The following BMP7 variants were observed in gnomAD, a reference collection of about 807,000 sequenced individuals.
BMP7 encodes the protein osteogenic protein 1.
Under a neutral mutation model 41.2 loss-of-function variants are expected in BMP7, and 12 were observed. The observed-to-expected ratio is 0.29, with a 90% CI of 0.19 to 0.47. The LOEUF is 0.47. Ranked by LOEUF, BMP7 falls within the 20% of genes least tolerant of loss-of-function variation. BMP7 has a pLI of 0.99. For synonymous variants in BMP7, 248 were observed against 250.0 expected (o/e 0.99, Z 0.07); for missense variants, 467 against 606.0 (o/e 0.77, Z 2.41).
At chr20:57,205,403 G>T (rs942852260) in intron 2 of BMP7, among the ~76,000 whole-genome samples, 1 of 152,200 alleles carries the variant, frequency 6.6e-6, no homozygotes, top group African/African-American at 2.4e-5. Flanking sequence ...TTATAAACAA[G>T]AATTTCCTGC....
intron 3 of BMP7, among the ~76,000 whole-genome samples, chr20:57,186,355 C>T (rs1014959116): frequency 2.0e-5 from 3 of 152,304 alleles, no homozygotes; most frequent in South Asian, 2.1e-4. Context: ...GAGCAAACTC[C>T]GTGTCCGTTG....
chr20:57,265,911 T>TGCGGGC lies in BMP7; in HGVS notation c.206_211dup (p.Arg69_Pro70dup), dbSNP rs1357703986. On this transcript the variant is annotated inframe_insertion, in exon 1 of 7. Transcript: ENST00000395863. Reference sequence around the variant, plus strand: ...TGCCGAGTTGTGCTTGCCCTGGAGGTGCGGGCGCGGGCGGTGGGGCAAGCC... The same window carrying TGCGGGC: ...TGCCGAGTTGTGCTTGCCCTGGAGGTGCGGGCGCGGGCGCGGGCGGTGGGGCAAGCC... 6.3e-7 allele frequency: 1 copy of TGCGGGC among 1,579,544 alleles called. No individual in the cohort carries two copies. Among genetic ancestry groups the TGCGGGC allele is most frequent in the Non-Finnish European group, 8.6e-7 (1 of 1,162,510 alleles).
chr20:57,255,996 C>T (rs763444325), intron 1 of BMP7, among the ~76,000 whole-genome samples: 27 of 152,094 alleles, frequency 1.8e-4, no homozygotes, highest in South Asian at 1.5e-3. Context: ...GATAGTGAAC[C>T]GGACAAAAGC....
At chr20:57,186,183 C>A (rs1295700391) in intron 3 of BMP7, among the ~76,000 whole-genome samples, 1 of 152,156 alleles carries the variant, frequency 6.6e-6, no homozygotes, top group African/African-American at 2.4e-5. Context: ...GCCTGACAAG[C>A]AATGTGAAGG....
At chr20:57,211,197 G>A (rs1600625368) in intron 2 of BMP7, among the ~76,000 whole-genome samples, 1 of 152,350 alleles carries the variant, frequency 6.6e-6, no homozygotes, top group African/African-American at 2.4e-5. Flanking sequence ...CTCCAATGAG[G>A]TCAGTACAAT....
chr20:57,217,914 T>C (rs1010523298), intron 2 of BMP7, among the ~76,000 whole-genome samples: 1 of 152,240 alleles, frequency 6.6e-6, no homozygotes, highest in East Asian at 1.9e-4. Flanking sequence ...TGTGTCTGTG[T>C]TTCTGTGGAT....
chr20:57,170,725 C>T lies in BMP7; in HGVS notation c.*234G>A. ...TTTTCTTTATGCGTTGTTTTTTTTT[C>T]CTGCTAGGTTTTGCCTGCACAGCTT... On this transcript the variant is annotated 3_prime_UTR_variant, in exon 7 of 7. Transcript: ENST00000395863. 2 of 520,798 alleles carry T rather than the reference C, an allele frequency of 3.8e-6. No individual in the cohort carries two copies. The highest frequency in any genetic ancestry group is 3.4e-6 in the Non-Finnish European group (1 of 295,194). 32.3% of individuals were successfully genotyped at this position (520,798 alleles called of 1,614,324 possible).
Position 57,216,579 on chromosome 20 carries a change from G to A in BMP7, c.611+11650C>T, listed in dbSNP as rs147565907. Reference sequence around the variant, plus strand: ...GGCTGTCTCCTGAGGGTGAGGGGCTGTCTCTTGAGGGCGAGGGGCTGTCTC... The same window carrying A: ...GGCTGTCTCCTGAGGGTGAGGGGCTATCTCTTGAGGGCGAGGGGCTGTCTC... On this transcript the variant is annotated intron_variant, in intron 2 of 6. Transcript: ENST00000395863. Among the ~76,000 whole-genome samples, 279 of 150,722 alleles carry A rather than the reference G, an allele frequency of 1.9e-3. 2 individuals are homozygous for A. In the East Asian group the frequency reaches 0.033, roughly 18 times the overall value.
At chr20:57,251,597 G>C (rs1465901610) in intron 1 of BMP7, among the ~76,000 whole-genome samples, 2 of 152,156 alleles carry the variant, frequency 1.3e-5, no homozygotes, top group Non-Finnish European at 2.9e-5. Flanking sequence ...AGGAAGTGTG[G>C]CTGAGTCACT....
intron 4 of BMP7, among the ~76,000 whole-genome samples, chr20:57,175,396 G>C (rs1250489135): frequency 1.3e-5 from 2 of 152,196 alleles, no homozygotes; most frequent in Non-Finnish European, 2.9e-5. Flanking sequence ...TGCTCAAAGA[G>C]ATCTGCTTAT....
chr20:57,221,284 A>G (rs1296362107), intron 2 of BMP7, among the ~76,000 whole-genome samples: 1 of 152,174 alleles, frequency 6.6e-6, no homozygotes, highest in Non-Finnish European at 1.5e-5. Context: ...GCAAAGCCTC[A>G]CTACACACTA....
In BMP7 at chr20:57,169,355, CT is replaced by C. The variant is rs1232968661; in HGVS notation, c.*1603del. The C allele has an allele frequency of 6.6e-6, 1 of 152,212 alleles. No homozygotes were observed. Among genetic ancestry groups the C allele is most frequent in the African/African-American group, 2.4e-5 (1 of 41,454 alleles). 9.4% of individuals were successfully genotyped at this position (152,212 alleles called of 1,614,324 possible). Reference sequence around the variant, plus strand: ...CGTTTGCAGACAGTCTAGCCCTCCCCTAGGCCTTGTGTTTGTGGCCGGAGGC... The same window carrying C: ...CGTTTGCAGACAGTCTAGCCCTCCCCAGGCCTTGTGTTTGTGGCCGGAGGC... On this transcript the variant is annotated 3_prime_UTR_variant, in exon 7 of 7. Transcript: ENST00000395863.
At chr20:57,200,939 C>T (rs894842406) in intron 3 of BMP7, among the ~76,000 whole-genome samples, 1 of 152,248 alleles carries the variant, frequency 6.6e-6, no homozygotes, top group Non-Finnish European at 1.5e-5. Flanking sequence ...GGCATCCATC[C>T]CAGGAGAGCT....
intron 6 of BMP7, among the ~76,000 whole-genome samples, chr20:57,172,781 C>A (rs1476138168): frequency 1.3e-5 from 2 of 152,138 alleles, no homozygotes; most frequent in Non-Finnish European, 2.9e-5. Context: ...CCCCACTCAT[C>A]TCTCCATCCC....
chr20:57,173,333 G>A lies in BMP7; in HGVS notation c.1036-23C>T, dbSNP rs762310439. On this transcript the variant is annotated intron_variant, in intron 5 of 6. Transcript: ENST00000395863. ...GTCCTGAGGAGGAGAAGAGAGTGTG[G>A]GAAACCATGCAGAAGGCCTGAGCCA... 3.1e-6 allele frequency: 5 copies of A among 1,608,490 alleles called. No homozygotes were observed. The African/African-American group carries it at 4.0e-5, about 13-fold the overall frequency.
intron 1 of BMP7, among the ~76,000 whole-genome samples, chr20:57,257,999 G>A (rs2066140472): frequency 6.6e-6 from 1 of 152,156 alleles, no homozygotes; most frequent in South Asian, 2.1e-4. Context: ...AGACAGGGCA[G>A]GCCTAAACCC....
chr20:57,236,231 G>A (rs1271272008), intron 1 of BMP7, among the ~76,000 whole-genome samples: 1 of 152,238 alleles, frequency 6.6e-6, no homozygotes, highest in Non-Finnish European at 1.5e-5. Flanking sequence ...TTAAAAGCAA[G>A]CATATGAAGA....
chr20:57,223,817 C>T (rs748342789), intron 2 of BMP7, among the ~76,000 whole-genome samples: 2 of 152,174 alleles, frequency 1.3e-5, no homozygotes, highest in Non-Finnish European at 2.9e-5. Context: ...TGGGGGCTAA[C>T]GGCAGGGCAA....
rs1411833009 is a variant in BMP7 at position 57,202,523 on chromosome 20, T to G, written c.712A>C (p.Asn238His). Residue 238 changes from asparagine to histidine, a missense_variant, in exon 3 of 7, where the codon AAT (asparagine) becomes CAT (histidine). Physicochemically the swap from Asn to His is moderately conservative, Grantham distance 68 (BLOSUM62 1). Transcript: ENST00000395863. Reference protein sequence around the residue: ...ITATSNHWVVNPRHNLGLQLS... With the variant: ...ITATSNHWVVHPRHNLGLQLS... ...TGCAGGCCCAGGTTGTGCCGCGGAT[T>G]GACCACCCAGTGGTTGCTGGTGGCT... is the stretch of plus-strand genomic sequence containing the variant. The G allele has an allele frequency of 6.2e-7, 1 of 1,608,070 alleles. No homozygotes were observed.
Sources: allele counts gnomAD v4.1 joint callset (sites outside exome capture counted in the v4.1 genomes callset), GRCh38; gene constraint gnomAD v4.1.1; transcripts MANE v1.5; gene names NCBI Gene and HGNC (gene_info 2026-07-23, HGNC 2026-07-21).